The following KLHL14 variants were observed in gnomAD, a reference collection of about 807,000 sequenced individuals.
KLHL14 encodes the protein kelch like family member 14, also known as kelch-like protein 14.
A neutral mutation model predicts 64.3 loss-of-function variants in KLHL14; 22 were observed. The ratio of observed to expected loss-of-function variants is 0.34; its 90% confidence interval spans 0.24 to 0.49. KLHL14 has a LOEUF of 0.49. Among genes scored for constraint, KLHL14 ranks in the 20% least tolerant of loss-of-function variants. The pLI is 0.99. For synonymous variants in KLHL14, 322 were observed against 333.4 expected, an observed-to-expected ratio of 0.97 and a Z score of 0.37; for missense variants, 661 against 789.0, an observed-to-expected ratio of 0.84 and a Z score of 1.94.
At chr18:32,718,756 A>C (rs2050059080) in intron 3 of KLHL14, among the ~76,000 whole-genome samples, 1 of 152,250 alleles carries the variant, frequency 6.6e-6, no homozygotes, top group African/African-American at 2.4e-5. Flanking sequence ...GAGTTTAAAA[A>C]ATAGTTTCAA....
At chr18:32,727,294 G>A (rs1201552641) in intron 3 of KLHL14, among the ~76,000 whole-genome samples, 1 of 152,144 alleles carries the variant, frequency 6.6e-6, no homozygotes, top group East Asian at 1.9e-4. Context: ...CTGCCTCCTG[G>A]TTTTACACTG....
intron 3 of KLHL14, among the ~76,000 whole-genome samples, chr18:32,722,223 T>C (rs1420609635): frequency 6.6e-6 from 1 of 152,196 alleles, no homozygotes; most frequent in Admixed American, 6.5e-5. Flanking sequence ...GATATGTCTC[T>C]ATTAGCAGGG....
At chr18:32,721,546 A>T (rs1234957142) in intron 3 of KLHL14, among the ~76,000 whole-genome samples, 1 of 152,220 alleles carries the variant, frequency 6.6e-6, no homozygotes, top group Non-Finnish European at 1.5e-5. Flanking sequence ...GGCTTTATCC[A>T]TATGAAATTT....
intron 2 of KLHL14, among the ~76,000 whole-genome samples, chr18:32,747,215 C>G (rs911002471): frequency 6.6e-6 from 1 of 152,118 alleles, no homozygotes. Context: ...CTTTTTGGTA[C>G]CAGGGTCCGG....
chr18:32,722,856 G>A (rs1318181905), intron 3 of KLHL14, among the ~76,000 whole-genome samples: 1 of 152,156 alleles, frequency 6.6e-6, no homozygotes, highest in Non-Finnish European at 1.5e-5. Flanking sequence ...TTGGGAGGCT[G>A]AGGTGGGAGG....
At chr18:32,753,201 A>T (rs2050265332) in intron 2 of KLHL14, among the ~76,000 whole-genome samples, 1 of 152,162 alleles carries the variant, frequency 6.6e-6, no homozygotes, top group Non-Finnish European at 1.5e-5. Context: ...ACATTCTACC[A>T]GTGGCAGATA....
In KLHL14 at chr18:32,688,675, A is replaced by G. The variant is rs1051347389; in HGVS notation, c.1160-1442T>C. ...TAGGGTAACTGGGCAGAGGTCAGAA[A>G]GGGGTCAAGGGCCAGAACATAGTGT... is the stretch of plus-strand genomic sequence containing the variant. On this transcript the variant is annotated intron_variant, in intron 4 of 8. Coordinates refer to ENST00000359358, the MANE Select transcript of KLHL14 (RefSeq NM_020805.3). Among the ~76,000 whole-genome samples the G allele has an allele frequency of 5.3e-5, 8 of 152,344 alleles. No homozygotes were observed. In the South Asian group the frequency reaches 1.2e-3, roughly 24 times the overall value.
intron 5 of KLHL14, among the ~76,000 whole-genome samples, 153 bp downstream of exon 5, chr18:32,687,002 G>A (rs2144475451): frequency 6.6e-6 from 1 of 152,156 alleles, no homozygotes; most frequent in South Asian, 2.1e-4. Context: ...TAACAAGGGA[G>A]GTCATGTAAA....
At chr18:32,717,970 C>T (rs1277718116) in intron 3 of KLHL14, among the ~76,000 whole-genome samples, 1 of 152,202 alleles carries the variant, frequency 6.6e-6, no homozygotes, top group Non-Finnish European at 1.5e-5. Context: ...TCTCTTACTT[C>T]TACAGCCCAG....
In KLHL14 at chr18:32,748,041, G is replaced by A. The variant is rs376581888; in HGVS notation, c.948-5992C>T. Among the ~76,000 whole-genome samples the A allele has an allele frequency of 7.8e-4, 119 of 152,254 alleles. 1 individual carries two copies. In the East Asian group the frequency reaches 0.011, roughly 14 times the overall value. On this transcript the variant is annotated intron_variant, in intron 2 of 8. Coordinates refer to ENST00000359358, the MANE Select transcript of KLHL14 (RefSeq NM_020805.3). ...TGGGAACAAGAGGAATAAATTCCTT[G>A]TTCATTGCGGTACTTAATTCCACCC...
At chr18:32,703,524 T>A (rs2049976247) in intron 3 of KLHL14, among the ~76,000 whole-genome samples, 1 of 152,230 alleles carries the variant, frequency 6.6e-6, no homozygotes, top group African/African-American at 2.4e-5. Context: ...GCTGGCCATA[T>A]ATTATTTCTT....
chr18:32,752,071 G>A (rs757548468), intron 2 of KLHL14, among the ~76,000 whole-genome samples: 1 of 152,094 alleles, frequency 6.6e-6, no homozygotes, highest in African/African-American at 2.4e-5. Flanking sequence ...AGGTTGCTGT[G>A]AGCTGAGGAC....
rs192607987 is a variant in KLHL14 at position 32,742,171 on chromosome 18, G to A, written c.948-122C>T. ...GCAGATATCTGTTTCATTTTTTCCT[G>A]TTTCTTCCCCCATTCATGTCTCAAC... On this transcript the variant is annotated intron_variant, in intron 2 of 8. Coordinates refer to ENST00000359358, the MANE Select transcript of KLHL14 (RefSeq NM_020805.3). The A allele has an allele frequency of 2.6e-4, 311 of 1,176,876 alleles. 1 individual carries two copies. The Admixed American group carries it at 4.0e-3, about 15-fold the overall frequency. The allele number at this position is 1,176,876 out of a possible 1,614,324, so 72.9% of individuals were successfully genotyped here.
At chr18:32,688,768 G>A (rs905994301) in intron 4 of KLHL14, among the ~76,000 whole-genome samples, 3 of 152,126 alleles carry the variant, frequency 2.0e-5, no homozygotes, top group African/African-American at 7.2e-5. Context: ...GGAGAGTTTT[G>A]AGCAAGTGAA....
At chr18:32,704,592 T>A (rs1279992619) in intron 3 of KLHL14, among the ~76,000 whole-genome samples, 1 of 151,956 alleles carries the variant, frequency 6.6e-6, no homozygotes, top group Non-Finnish European at 1.5e-5. Context: ...CATGGTGGTG[T>A]GCACCTCTAA....
chr18:32,770,761 A>T lies in KLHL14; in HGVS notation c.-43-127T>A. On this transcript the variant is annotated intron_variant, in intron 1 of 8. Coordinates refer to ENST00000359358, the MANE Select transcript of KLHL14 (RefSeq NM_020805.3). This position sits in a 1 kb window ranked among gnomAD's most constrained non-coding sequence, Gnocchi z 6.7. ...AGAACAAGAATCAAGGCTCAGCTTG[A>T]CTCCCTCCTGGCGCGCTCCGGACCC... The T allele has an allele frequency of 1.7e-6, 1 of 576,494 alleles. No individual in the cohort carries two copies. Among genetic ancestry groups the T allele is most frequent in the Non-Finnish European group, 2.7e-6 (1 of 364,630 alleles). The allele number at this position is 576,494 out of a possible 1,614,324, so 35.7% of individuals were successfully genotyped here.
intron 5 of KLHL14, among the ~76,000 whole-genome samples, chr18:32,682,848 C>CTAAG (rs1297169395): frequency 6.6e-6 from 1 of 152,148 alleles, no homozygotes; most frequent in Non-Finnish European, 1.5e-5. Flanking sequence ...AACACTGACA[C>CTAAG]TAAGGTAGGT....
At chr18:32,754,753 T>A (rs2050273086) in intron 2 of KLHL14, among the ~76,000 whole-genome samples, 1 of 152,212 alleles carries the variant, frequency 6.6e-6, no homozygotes, top group African/African-American at 2.4e-5. Context: ...TGCAGGGAGA[T>A]ACTGAGAAAA....
intron 2 of KLHL14, among the ~76,000 whole-genome samples, chr18:32,765,242 C>T (rs2050335554): frequency 6.6e-6 from 1 of 152,202 alleles, no homozygotes; most frequent in South Asian, 2.1e-4. Context: ...TAAGGTAACA[C>T]ATTTTTTACT....
Sources: gnomAD v4.1 joint callset for allele counts (sites outside exome capture counted in the v4.1 genomes callset) on GRCh38, gnomAD v4.1.1 for gene constraint, Gnocchi (gnomAD v3.1) non-coding constraint, MANE v1.5 for transcripts, NCBI Gene and HGNC (gene_info 2026-07-23, HGNC 2026-07-21) for gene names.